Variants in CSMD1 observed in about 807,000 individuals in gnomAD.
CSMD1 encodes CUB and sushi domain-containing protein 1.
Under a neutral mutation model 417.5 loss-of-function variants are expected in CSMD1, and 213 were observed. The ratio of observed to expected loss-of-function variants is 0.51; its 90% CI spans 0.46 to 0.57. The LOEUF is 0.57. CSMD1 is among the 20% of genes least tolerant of loss of function. The probability of loss-of-function intolerance (pLI) is 0.00; values close to 1 mark genes in which losing one functional copy is unlikely to be tolerated. For synonymous variants in CSMD1, 2,862 were observed against 1,736.8 expected, an observed-to-expected ratio of 1.65 and a Z score of -16.11; for missense variants, 6,923 against 4,529.7, an observed-to-expected ratio of 1.53 and a Z score of -15.17.
At chr8:4,562,577 C>T (rs907768643) in intron 2 of CSMD1, among the ~76,000 whole-genome samples, 1 of 152,044 alleles carries the variant, frequency 6.6e-6, no homozygotes, top group Non-Finnish European at 1.5e-5. Context: ...TGAGCATATC[C>T]TGACTACTGA....
At chr8:4,041,727 C>G (rs1418916435) in intron 3 of CSMD1, among the ~76,000 whole-genome samples, 1 of 152,082 alleles carries the variant, frequency 6.6e-6, no homozygotes, top group African/African-American at 2.4e-5. Context: ...GTTATTAGAA[C>G]TGTATGCCCT....
At chr8:4,414,877 C>T (rs1380504646) in intron 3 of CSMD1, among the ~76,000 whole-genome samples, 2 of 152,240 alleles carry the variant, frequency 1.3e-5, no homozygotes, top group South Asian at 2.1e-4. Flanking sequence ...TATGAGGTGC[C>T]ATCTACTGGC....
chr8:4,322,723 C>T (rs548804354), intron 3 of CSMD1, among the ~76,000 whole-genome samples: 12 of 152,152 alleles, frequency 7.9e-5, no homozygotes, highest in African/African-American at 1.4e-4. Flanking sequence ...GGGCCAGGCA[C>T]GGGGCTCGTG....
At chr8:3,417,804 C>T (rs541767674) in intron 12 of CSMD1, among the ~76,000 whole-genome samples, 2 of 151,852 alleles carry the variant, frequency 1.3e-5, no homozygotes, top group Admixed American at 1.3e-4. Context: ...AAGATTGCAG[C>T]ACATAAATGG....
intron 1 of CSMD1, among the ~76,000 whole-genome samples, chr8:4,731,782 C>G (rs375085917): frequency 3.9e-5 from 6 of 152,134 alleles, no homozygotes; most frequent in African/African-American, 9.7e-5. Flanking sequence ...CTTCTACCAC[C>G]TACTCTATTT....
chr8:4,323,680 T>C (rs1799394304), intron 3 of CSMD1, among the ~76,000 whole-genome samples: 1 of 152,110 alleles, frequency 6.6e-6, no homozygotes, highest in Non-Finnish European at 1.5e-5. Context: ...ACAAGAATTA[T>C]ATAGGAAATG....
chr8:2,986,915 A>G (rs1382069194), intron 54 of CSMD1, among the ~76,000 whole-genome samples: 1 of 152,096 alleles, frequency 6.6e-6, no homozygotes, highest in African/African-American at 2.4e-5. Context: ...CAATAGCAAA[A>G]ACCGCAATTA....
intron 3 of CSMD1, among the ~76,000 whole-genome samples, chr8:4,109,047 G>A (rs867014083): frequency 1.3e-5 from 2 of 152,136 alleles, no homozygotes; most frequent in Admixed American, 6.5e-5. Context: ...GCTCAAGTCC[G>A]TCATATAAAA....
chr8:3,999,931 T>G (rs749239970), intron 4 of CSMD1, among the ~76,000 whole-genome samples: 3 of 152,218 alleles, frequency 2.0e-5, no homozygotes, highest in Non-Finnish European at 4.4e-5. Context: ...ATCCCAAATT[T>G]ATTTTAAGAT....
intron 5 of CSMD1, among the ~76,000 whole-genome samples, chr8:3,775,556 C>G (rs1027554405): frequency 6.6e-6 from 1 of 152,112 alleles, no homozygotes; most frequent in African/African-American, 2.4e-5. Context: ...TACAAGAGCG[C>G]AACTTCAAAT....
chr8:3,667,669 A>C (rs1247796053), intron 7 of CSMD1, among the ~76,000 whole-genome samples: 1 of 152,194 alleles, frequency 6.6e-6, no homozygotes, highest in African/African-American at 2.4e-5. Context: ...GGTGAAGAGC[A>C]GTTGTCCACG....
chr8:4,854,843 GCC>G (rs1433960710), intron 1 of CSMD1, among the ~76,000 whole-genome samples: 2 of 152,258 alleles, frequency 1.3e-5, no homozygotes, highest in African/African-American at 4.8e-5. Context: ...GGGGAGGGGC[GCC>G]CGCCATTGCC....
chr8:3,899,076 T>C (rs547125469), intron 5 of CSMD1, among the ~76,000 whole-genome samples: 41 of 152,248 alleles, frequency 2.7e-4, no homozygotes, highest in African/African-American at 9.9e-4. Context: ...GAGGAATAAA[T>C]AGAGAAGGGT....
intron 1 of CSMD1, among the ~76,000 whole-genome samples, chr8:4,740,285 G>C (rs776703630): frequency 6.6e-6 from 1 of 152,068 alleles, no homozygotes; most frequent in Non-Finnish European, 1.5e-5. Context: ...TATTTTTGAA[G>C]GTCTTTATTA....
rs115540114 is a variant in CSMD1 at position 3,115,924 on chromosome 8, T to G, written c.6430+2475A>C. ...AGATGGTTTTTCAGTACACTTGACC[T>G]ATATAGCAATCACTGACCTGAAATG... On this transcript the variant is annotated intron_variant, in intron 42 of 69. Transcript: ENST00000635120. Among the ~76,000 whole-genome samples, 356 of 152,296 alleles carry G rather than the reference T, an allele frequency of 2.3e-3. 2 individuals carry two copies. The highest frequency in any genetic ancestry group is 8.2e-3 in the African/African-American group (340 of 41,560).
Position 3,152,727 on chromosome 8 carries a change from C to T in CSMD1, c.5915-1214G>A, listed in dbSNP as rs77997364. ...CTGGAAAAGTCTTGGACACCATCAA[C>T]TGTGTTGCTATTTAAAGTATAACCT... On this transcript the variant is annotated intron_variant, in intron 39 of 69. Transcript: ENST00000635120. Among the ~76,000 whole-genome samples the T allele has an allele frequency of 2.0e-5, 3 of 152,196 alleles. No individual in the cohort carries two copies. The South Asian group carries it at 6.2e-4, about 31-fold the overall frequency.
rs557039474 is a variant in CSMD1, at chr8:3,098,940, A to G, written c.6950-1903T>C. Among the ~76,000 whole-genome samples, 11 of 151,678 alleles carry G rather than the reference A, an allele frequency of 7.3e-5. No individual in the cohort carries two copies. The South Asian group carries it at 2.3e-3, about 32-fold the overall frequency. ...TATGTGGGCAGAAACTGTTGTAAGG[A>G]CTAGGGATGATTACACCACATGCCT... On this transcript the variant is annotated intron_variant, in intron 46 of 69. Coordinates refer to ENST00000635120, the MANE Select transcript of CSMD1 (RefSeq NM_033225.6).
chr8:4,739,115 C>G lies in CSMD1; in HGVS notation c.86-101557G>C, dbSNP rs62484600. ...ATGTGAACATACACACGTGCACACA[C>G]ACATACATGTGAACATACACACACG... On this transcript the variant is annotated intron_variant, in intron 1 of 69. Coordinates refer to ENST00000635120, the MANE Select transcript of CSMD1 (RefSeq NM_033225.6). Among the ~76,000 whole-genome samples the G allele has an allele frequency of 5.4e-3, 815 of 152,334 alleles. 7 individuals are homozygous for G. Among genetic ancestry groups the G allele is most frequent in the Middle Eastern group, 0.014 (4 of 294 alleles).
intron 18 of CSMD1, among the ~76,000 whole-genome samples, chr8:3,383,717 A>C (rs1228252329): frequency 1.3e-5 from 2 of 152,064 alleles, no homozygotes; most frequent in Non-Finnish European, 2.9e-5. Context: ...TAATTCAGTA[A>C]GATAAACGCA....
Sources: gnomAD v4.1 joint callset for allele counts (sites outside exome capture counted in the v4.1 genomes callset) on GRCh38, gnomAD v4.1.1 for gene constraint, MANE v1.5 for transcripts, NCBI Gene and HGNC (gene_info 2026-07-23, HGNC 2026-07-21) for gene names.